Variants in MLLT10 observed in about 807,000 individuals in gnomAD.
MLLT10 encodes MLLT10 histone lysine methyltransferase DOT1L cofactor, also known as protein AF-10.
A neutral mutation model predicts 129.1 loss-of-function variants in MLLT10; 30 were observed. The ratio of observed to expected loss-of-function variants is 0.23; its 90% confidence interval spans 0.17 to 0.32. The LOEUF is 0.32. MLLT10 is among the 10% of genes least tolerant of loss of function. MLLT10 has a pLI of 1.00. For missense variants in MLLT10, 1,119 were observed against 1,268.3 expected, an observed-to-expected ratio of 0.88 and a Z score of 1.79; for synonymous variants, 490 against 446.4, an observed-to-expected ratio of 1.10 and a Z score of -1.23.
chr10:21,674,480 AT>A (rs1436939355), intron 11 of MLLT10, among the ~76,000 whole-genome samples: 1 of 152,160 alleles, frequency 6.6e-6, no homozygotes, highest in African/African-American at 2.4e-5. Flanking sequence ...AAATGATTTA[AT>A]TGTGTTTTCA....
At chr10:21,625,013 ATAGCCATAGTAG>A (rs1386401847) in intron 8 of MLLT10, 1 of 1,013,376 alleles carries the variant, frequency 9.9e-7, no homozygotes, top group Admixed American at 2.2e-5. Context: ...AGCCACCATC[ATAGCCATAGTAG>A]GGAATCTTCG....
At chr10:21,697,779 G>C (rs145870668) in intron 13 of MLLT10, among the ~76,000 whole-genome samples, 3 of 152,272 alleles carry the variant, frequency 2.0e-5, no homozygotes, top group African/African-American at 7.2e-5. Context: ...ATATTCTACA[G>C]TCTAGAAAGG....
chr10:21,621,292 T>C (rs1482586429), intron 8 of MLLT10, among the ~76,000 whole-genome samples: 1 of 144,890 alleles, frequency 6.9e-6, no homozygotes, highest in Non-Finnish European at 1.5e-5. Flanking sequence ...TTGCCTAGGC[T>C]GGAGTGCAGT....
At chr10:21,543,684 G>T (rs1304305780) in intron 3 of MLLT10, among the ~76,000 whole-genome samples, 1 of 151,956 alleles carries the variant, frequency 6.6e-6, no homozygotes, top group African/African-American at 2.4e-5. Flanking sequence ...TCTTCATGTT[G>T]GTCAGACTGA....
rs1281566916 is a variant in MLLT10 at position 21,617,175 on chromosome 10, T to A, written c.667T>A (p.Ser223Thr). The A allele has an allele frequency of 1.3e-6, 2 of 1,539,382 alleles. No individual in the cohort carries two copies. The highest frequency in any genetic ancestry group is 1.8e-6 in the Non-Finnish European group (2 of 1,139,264). Residue 223 changes from serine (S) to threonine (T), a missense_variant, in exon 8 of 23, where the codon TCT becomes ACT. By Grantham distance (58) the Ser-to-Thr change is moderately conservative. This residue lies in a region of MLLT10 where 1,004 missense variants were observed against 1,008.7 expected (regional missense o/e 1.00). Coordinates refer to ENST00000307729, the MANE Select transcript of MLLT10 (RefSeq NM_001195626.3). ...DQSLSDSSSH[S>T]QDKHHEKEKK... ...AAGTTTAAGTGATTCTTCCTCTCAC[T>A]CTCAGGATAAACATCATGAGAAAGA...
chr10:21,727,618 G>C (rs2057620187), intron 15 of MLLT10, among the ~76,000 whole-genome samples: 1 of 152,108 alleles, frequency 6.6e-6, no homozygotes, highest in Non-Finnish European at 1.5e-5. Flanking sequence ...TGAAAGGAAT[G>C]AAAGAACAGA....
chr10:21,552,388 C>CCTT (rs1270574421), intron 3 of MLLT10, among the ~76,000 whole-genome samples: 6 of 112,094 alleles, frequency 5.4e-5, no homozygotes, highest in African/African-American at 2.1e-4. Context: ...CTTCTTATTG[C>CCTT]TTTTTTTTTT....
At chr10:21,660,840 T>C (rs2050114406) in intron 9 of MLLT10, among the ~76,000 whole-genome samples, 1 of 142,916 alleles carries the variant, frequency 7.0e-6, no homozygotes, top group Non-Finnish European at 1.5e-5. Context: ...GTCATTGCGC[T>C]CTAGCCTGGG....
rs934433171 is a variant in MLLT10, at chr10:21,729,205, T to C, written c.2063+1277T>C. Among the ~76,000 whole-genome samples, 67 of 152,336 alleles carry C rather than the reference T, an allele frequency of 4.4e-4. 1 individual carries two copies. The highest frequency in any genetic ancestry group is 1.5e-3 in the African/African-American group (63 of 41,572). ...TGTGATTAATTCTATGTTGTTTTTC[T>C]TTTCAAAGAAGAAAGTTAATGTTTG... is the stretch of plus-strand genomic sequence containing the variant. On this transcript the variant is annotated intron_variant, in intron 16 of 22. Transcript: ENST00000307729.
chr10:21,570,603 T>C (rs1156249837), intron 3 of MLLT10, among the ~76,000 whole-genome samples: 1 of 151,904 alleles, frequency 6.6e-6, no homozygotes, highest in Non-Finnish European at 1.5e-5. Flanking sequence ...CTGTGTTTCA[T>C]TTAGGTTAGT....
At chr10:21,538,113 G>C (rs2034400321) in intron 2 of MLLT10, among the ~76,000 whole-genome samples, 2 of 150,444 alleles carry the variant, frequency 1.3e-5, no homozygotes, top group South Asian at 4.2e-4. Context: ...TCAGCCTCCT[G>C]AGTAGCTGGG....
chr10:21,595,193 A>G (rs1473420383), intron 4 of MLLT10, 138 bp from the exon 5 acceptor site: 1 of 572,052 alleles, frequency 1.7e-6, no homozygotes, highest in Non-Finnish European at 3.0e-6. Flanking sequence ...AATGGAAGTA[A>G]GACAGCAATG....
chr10:21,737,075 T>A (rs115004823), intron 21 of MLLT10, among the ~76,000 whole-genome samples: 1 of 152,110 alleles, frequency 6.6e-6, no homozygotes, highest in African/African-American at 2.4e-5. Context: ...TAAGAAAGAA[T>A]TGACCAACCG....
chr10:21,575,683 T>C (rs1395772685), intron 3 of MLLT10, among the ~76,000 whole-genome samples: 2 of 152,166 alleles, frequency 1.3e-5, no homozygotes, highest in Admixed American at 6.6e-5. Flanking sequence ...ATTATTATTA[T>C]TATTTTTATT....
At chr10:21,627,302 G>A (rs1357109955) in intron 8 of MLLT10, among the ~76,000 whole-genome samples, 4 of 152,114 alleles carry the variant, frequency 2.6e-5, no homozygotes, top group Non-Finnish European at 5.9e-5. Flanking sequence ...AAAGTGTATA[G>A]TTTTAATTAA....
chr10:21,584,708 G>A (rs147898199), intron 3 of MLLT10, among the ~76,000 whole-genome samples: 44 of 151,608 alleles, frequency 2.9e-4, no homozygotes, highest in African/African-American at 9.9e-4. Context: ...ATATATGTAT[G>A]TAAGTGTATA....
At position 21,593,753 on chromosome 10, in the gene MLLT10, A is replaced by G. The variant is rs544197460; in HGVS notation, c.296-1578A>G. ...ACCAGCCTGGTCAACATAGTGAAAC[A>G]TGGTCTCTACTAAAAATACAAAAAT... On this transcript the variant is annotated intron_variant, in intron 4 of 22. Coordinates refer to ENST00000307729, the MANE Select transcript of MLLT10 (RefSeq NM_001195626.3). 2.6e-5 allele frequency among the ~76,000 whole-genome samples: 4 copies of G among 151,590 alleles called. No homozygotes were observed. The South Asian group carries it at 8.3e-4, about 32-fold the overall frequency.
At chr10:21,685,829 T>C (rs535544968) in intron 13 of MLLT10, among the ~76,000 whole-genome samples, 26 of 152,342 alleles carry the variant, frequency 1.7e-4, no homozygotes, top group African/African-American at 6.0e-4. Context: ...ATATGGAACT[T>C]ATTCTAGGAA....
At chr10:21,629,481 T>G (rs1224391482) in intron 8 of MLLT10, among the ~76,000 whole-genome samples, 2 of 152,288 alleles carry the variant, frequency 1.3e-5, no homozygotes, top group East Asian at 3.9e-4. Context: ...ATGGAGGCTT[T>G]CTACCACACC....
Sources: allele counts gnomAD v4.1 joint callset (sites outside exome capture counted in the v4.1 genomes callset), GRCh38; gene constraint gnomAD v4.1.1; regional missense constraint gnomAD v4.1.1; transcripts MANE v1.5; gene names NCBI Gene and HGNC (gene_info 2026-07-23, HGNC 2026-07-21).